Variants in PRKG2 observed in about 807,000 individuals in gnomAD.
PRKG2 encodes the protein cGMP-dependent protein kinase 2.
Under a neutral mutation model 97.2 loss-of-function variants are expected in PRKG2, and 33 were observed. The observed-to-expected ratio is 0.34, with a 90% confidence interval of 0.26 to 0.45. The LOEUF (loss-of-function observed/expected upper bound fraction) is 0.45. Ranked by LOEUF, PRKG2 falls within the 20% of genes least tolerant of loss-of-function variation. The pLI, the probability that PRKG2 is intolerant of heterozygous loss-of-function variation, is 1.00. For synonymous variants in PRKG2, 330 were observed against 321.8 expected (o/e 1.03, Z -0.27); for missense variants, 638 against 900.0 (o/e 0.71, Z 3.73).
chr4:81,165,467 G>T (rs1367186405), intron 6 of PRKG2, among the ~76,000 whole-genome samples: 4 of 152,128 alleles, frequency 2.6e-5, no homozygotes, highest in Non-Finnish European at 1.5e-5. Context: ...AAATGATGCA[G>T]TAGTGATTGG....
chr4:81,207,387 T>C (rs1753738630), intron 1 of PRKG2, among the ~76,000 whole-genome samples: 1 of 152,172 alleles, frequency 6.6e-6, no homozygotes, highest in African/African-American at 2.4e-5. Context: ...GCATAAAAAC[T>C]TTCAAATCTA....
At chr4:81,101,851 T>TTTTG (rs906424294) in intron 17 of PRKG2, among the ~76,000 whole-genome samples, 11 of 152,140 alleles carry the variant, frequency 7.2e-5, no homozygotes, top group African/African-American at 9.7e-5. Flanking sequence ...AAAGAAGCTT[T>TTTTG]TTTGTTTGTT....
intron 15 of PRKG2, among the ~76,000 whole-genome samples, chr4:81,106,445 A>G (rs980553893): frequency 2.0e-5 from 3 of 152,144 alleles, no homozygotes; most frequent in Admixed American, 6.5e-5. Flanking sequence ...TACATAGATG[A>G]GGACAATATC....
intron 6 of PRKG2, among the ~76,000 whole-genome samples, chr4:81,159,829 A>C (rs991426440): frequency 6.6e-6 from 1 of 151,858 alleles, no homozygotes; most frequent in Admixed American, 6.6e-5. Context: ...TGAAATTGGA[A>C]ATCATCATTC....
At chr4:81,160,181 A>G (rs2110071187) in intron 6 of PRKG2, among the ~76,000 whole-genome samples, 1 of 151,964 alleles carries the variant, frequency 6.6e-6, no homozygotes, top group Middle Eastern at 3.4e-3. Flanking sequence ...TGAAGACATA[A>G]AGAAAGCAGA....
At chr4:81,098,947 T>C (rs548496601) in intron 17 of PRKG2, among the ~76,000 whole-genome samples, 48 of 152,266 alleles carry the variant, frequency 3.2e-4, no homozygotes, top group East Asian at 9.6e-4. Flanking sequence ...AAACCTTCAA[T>C]TGGTAAAAAA....
At chr4:81,188,879 C>T (rs1578497653) in intron 2 of PRKG2, among the ~76,000 whole-genome samples, 1 of 31,234 alleles carries the variant, frequency 3.2e-5, no homozygotes, top group Admixed American at 4.6e-4. Context: ...GTGGTGGGGT[C>T]GGGGGAGGGG....
chr4:81,164,733 A>G (rs889782503), intron 6 of PRKG2, among the ~76,000 whole-genome samples: 1 of 152,090 alleles, frequency 6.6e-6, no homozygotes, highest in Non-Finnish European at 1.5e-5. Context: ...AGGCAATCTG[A>G]CTAAGGGCAA....
At chr4:81,128,905 A>C (rs1359292538) in intron 14 of PRKG2, among the ~76,000 whole-genome samples, 1 of 151,894 alleles carries the variant, frequency 6.6e-6, no homozygotes, top group African/African-American at 2.4e-5. Flanking sequence ...TAGTTCTTTT[A>C]ATTGTGATGT....
chr4:81,143,019 C>T, intron 10 of PRKG2, 72 bp from the exon 11 acceptor site: 1 of 1,493,630 alleles, frequency 6.7e-7, no homozygotes, highest in African/African-American at 1.4e-5. Context: ...ACATAAATTT[C>T]ACTCCTACGA....
At chr4:81,097,497 A>G (rs547285884) in intron 17 of PRKG2, among the ~76,000 whole-genome samples, 1 of 152,284 alleles carries the variant, frequency 6.6e-6, no homozygotes, top group South Asian at 2.1e-4. Flanking sequence ...TCAAGTCACC[A>G]GCTGTATTCC....
At chr4:81,194,624 G>A (rs1167659216) in intron 2 of PRKG2, among the ~76,000 whole-genome samples, 1 of 152,080 alleles carries the variant, frequency 6.6e-6, no homozygotes, top group Admixed American at 6.6e-5. Flanking sequence ...TTAAGTTTGT[G>A]TAGATGATTT....
At chr4:81,158,347 A>C (rs1300724824) in intron 6 of PRKG2, among the ~76,000 whole-genome samples, 1 of 137,228 alleles carries the variant, frequency 7.3e-6, no homozygotes, top group Non-Finnish European at 1.5e-5. Context: ...CAAAGAGAAT[A>C]AAATACCTAG....
chr4:81,133,168 C>T (rs542228470), intron 14 of PRKG2, among the ~76,000 whole-genome samples: 1 of 152,260 alleles, frequency 6.6e-6, no homozygotes, highest in Admixed American at 6.5e-5. Flanking sequence ...GAAGACTGGG[C>T]ACCCAACCTC....
chr4:81,090,799 A>G (rs577096215), intron 18 of PRKG2, among the ~76,000 whole-genome samples: 62 of 152,354 alleles, frequency 4.1e-4, no homozygotes, highest in African/African-American at 1.3e-3. Context: ...CACAATTCTT[A>G]GAATTTGTAT....
chr4:81,137,482 T>C lies in PRKG2; in HGVS notation c.1545A>G (p.Lys515=), dbSNP rs1746826057. 6.2e-7 allele frequency: 1 copy of C among 1,605,426 alleles called. No individual in the cohort carries two copies. ...TATTGTCCTTGAAAGTACGATATAA[T>C]CTGTGAAGACAGATAAAAACATGGT... ...LEELCSPFIV[K]LYRTFKDNKY... The change falls in exon 13 of 19, where the codon AAA becomes AAG. Residue 515 remains lysine, a splice_region_variant and synonymous_variant. Coordinates refer to ENST00000264399, the MANE Select transcript of PRKG2 (RefSeq NM_006259.3).
chr4:81,093,636 G>A (rs1353894991), intron 17 of PRKG2, among the ~76,000 whole-genome samples: 3 of 152,098 alleles, frequency 2.0e-5, no homozygotes, highest in African/African-American at 7.2e-5. Flanking sequence ...GAATGACTCT[G>A]CAAAGAAACA....
intron 11 of PRKG2, among the ~76,000 whole-genome samples, chr4:81,141,487 T>A (rs1159893305): frequency 6.6e-6 from 1 of 152,186 alleles, no homozygotes; most frequent in East Asian, 1.9e-4. Flanking sequence ...ATAAGACATT[T>A]CCCTCAGCAC....
chr4:81,112,941 T>C (rs1040619589), intron 14 of PRKG2, among the ~76,000 whole-genome samples: 4 of 152,170 alleles, frequency 2.6e-5, no homozygotes, highest in Non-Finnish European at 4.4e-5. Flanking sequence ...TGAGTACCAC[T>C]ATATACCAAA....
Sources: gnomAD v4.1 joint callset for allele counts (sites outside exome capture counted in the v4.1 genomes callset) on GRCh38, gnomAD v4.1.1 for gene constraint, MANE v1.5 for transcripts, NCBI Gene and HGNC (gene_info 2026-07-23, HGNC 2026-07-21) for gene names.